The following ITGB2 variants were observed in gnomAD, a reference collection of about 807,000 sequenced individuals.
The protein encoded by ITGB2 is integrin subunit beta 2, also known as integrin beta-2.
Under a neutral mutation model 86.8 loss-of-function variants are expected in ITGB2, and 56 were observed. The ratio of observed to expected loss-of-function variants is 0.65; its 90% CI spans 0.52 to 0.81. The LOEUF (loss-of-function observed/expected upper bound fraction) is 0.81. Among genes scored for constraint, ITGB2 ranks in the 30% least tolerant of loss-of-function variants. The probability of loss-of-function intolerance (pLI) is 0.00; values close to 1 mark genes in which losing one functional copy is unlikely to be tolerated. For missense variants in ITGB2, 948 were observed against 1,061.2 expected (o/e 0.89, Z 1.48); for synonymous variants, 457 against 450.4 (o/e 1.01, Z -0.19).
intron 3 of ITGB2, among the ~76,000 whole-genome samples, chr21:44,907,717 T>C (rs1456346534): frequency 6.6e-6 from 1 of 152,182 alleles, no homozygotes; most frequent in Non-Finnish European, 1.5e-5. Flanking sequence ...GTGCTGGTGA[T>C]GCGGGGCCAG....
At chr21:44,904,001 T>C (rs1037929260) in intron 4 of ITGB2, among the ~76,000 whole-genome samples, 5 of 152,172 alleles carry the variant, frequency 3.3e-5, no homozygotes, top group Non-Finnish European at 7.4e-5. Flanking sequence ...ATCCCAGCCC[T>C]GGACTTCCGC....
intron 1 of ITGB2, among the ~76,000 whole-genome samples, chr21:44,916,427 G>C (rs1436957360): frequency 6.6e-6 from 1 of 152,202 alleles, no homozygotes; most frequent in Non-Finnish European, 1.5e-5. Context: ...GTCTGTTCCT[G>C]GGTGGCGACG....
intron 10 of ITGB2, among the ~76,000 whole-genome samples, chr21:44,892,205 C>A (rs960579742): frequency 4.6e-5 from 7 of 152,208 alleles, no homozygotes; most frequent in African/African-American, 1.4e-4. Flanking sequence ...CCGCACTGGC[C>A]GGCACCAGGA....
chr21:44,891,686 C>A (rs2083787151), intron 11 of ITGB2, 123 bp downstream of exon 11: 10 of 1,144,730 alleles, frequency 8.7e-6, no homozygotes, highest in Non-Finnish European at 1.2e-5. Flanking sequence ...AGGGGGCCCC[C>A]AGGATGCCTG....
At chr21:44,928,614 G>C (rs532107395) in intron 1 of ITGB2, 1 of 151,480 alleles carries the variant, frequency 6.6e-6, no homozygotes, top group Non-Finnish European at 1.5e-5. Context: ...CGAGGGTCGG[G>C]TCGGGTCGGG....
At chr21:44,913,083 C>T (rs2084156205) in intron 1 of ITGB2, among the ~76,000 whole-genome samples, 1 of 76,524 alleles carries the variant, frequency 1.3e-5, no homozygotes, top group South Asian at 6.1e-4. Context: ...AGGGTCCAGC[C>T]GGCTTCAGGA....
chr21:44,897,499 G>C (rs557635923), intron 8 of ITGB2, among the ~76,000 whole-genome samples: 1 of 152,158 alleles, frequency 6.6e-6, no homozygotes, highest in Non-Finnish European at 1.5e-5. Flanking sequence ...GAGGATAATC[G>C]GGCCCTTTAG....
chr21:44,886,345 G>T lies in ITGB2; in HGVS notation c.*23C>A. The T allele has an allele frequency of 6.2e-7, 1 of 1,610,006 alleles. No individual in the cohort carries two copies. The highest frequency in any genetic ancestry group is 8.5e-7 in the Non-Finnish European group (1 of 1,176,280). ...TGGGGCAGACATGGTGGGTCCTGACGGCCTTGTCTTCACCAAGTGCTCCTA... is the reference window on the plus strand; with the variant it reads ...TGGGGCAGACATGGTGGGTCCTGACTGCCTTGTCTTCACCAAGTGCTCCTA... On this transcript the variant is annotated 3_prime_UTR_variant, in exon 16 of 16. Coordinates refer to ENST00000652462, the MANE Select transcript of ITGB2 (RefSeq NM_000211.5).
At chr21:44,920,176 C>G (rs953005031) in intron 1 of ITGB2, among the ~76,000 whole-genome samples, 2 of 152,144 alleles carry the variant, frequency 1.3e-5, no homozygotes, top group African/African-American at 4.8e-5. Context: ...TACACATGTG[C>G]ACCATACATG....
rs1324411083 is a variant in ITGB2 at position 44,890,130 on chromosome 21, T to G, written c.1505A>C (p.Asn502Thr). 6.2e-7 allele frequency: 1 copy of G among 1,612,776 alleles called. No individual in the cohort carries two copies. Among genetic ancestry groups the G allele is most frequent in the African/African-American group, 1.3e-5 (1 of 74,700 alleles). The change falls in exon 12 of 16, where the codon AAC (asparagine) becomes ACC (threonine). Residue 502 changes from asparagine to threonine, a missense_variant. Coordinates refer to ENST00000652462, the MANE Select transcript of ITGB2 (RefSeq NM_000211.5). ...CCCCAGCCCTGAGCAGATGATGGAGTTGTTGTCCTTCCGGCAGCTTCCTTC... is the reference window on the plus strand; with the variant it reads ...CCCCAGCCCTGAGCAGATGATGGAGGTGTTGTCCTTCCGGCAGCTTCCTTC... Reference protein sequence around the residue: ...ELEGSCRKDNNSIICSGLGDC... With the variant: ...ELEGSCRKDNTSIICSGLGDC...
At chr21:44,911,243 C>G (rs1451956148) in intron 1 of ITGB2, 1 of 267,390 alleles carries the variant, frequency 3.7e-6, no homozygotes, top group Non-Finnish European at 7.5e-6. Flanking sequence ...CCCCGCAAGA[C>G]ACTACACACC....
rs915995681 is a variant in ITGB2, at chr21:44,903,517, T to C, written c.347A>G (p.Asn116Ser). 2 of 1,613,912 alleles carry C rather than the reference T, an allele frequency of 1.2e-6. No individual in the cohort carries two copies. The highest frequency in any genetic ancestry group is 1.7e-6 in the Non-Finnish European group (2 of 1,179,960). ...YLRPGQAAAFNVTFRRAKGYP... is the reference protein window; with the variant it reads ...YLRPGQAAAFSVTFRRAKGYP... Reference sequence around the variant, plus strand: ...GCCCTTGGCCCGCCGGAAGGTCACGTTGAACGCTGCTGCCTGGCCTGCCGG... The same window carrying C: ...GCCCTTGGCCCGCCGGAAGGTCACGCTGAACGCTGCTGCCTGGCCTGCCGG... Residue 116 changes from asparagine to serine, a missense_variant, in exon 5 of 16, where the codon AAC becomes AGC. Coordinates refer to ENST00000652462, the MANE Select transcript of ITGB2 (RefSeq NM_000211.5).
chr21:44,889,516 G>A (rs760407456), intron 12 of ITGB2, 21 bp from the exon 13 acceptor site: 1 of 1,546,738 alleles, frequency 6.5e-7, no homozygotes, highest in Non-Finnish European at 8.7e-7. Flanking sequence ...GGGCAGCACG[G>A]CTAAGCTCCT....
In ITGB2 at chr21:44,893,282, C is replaced by A. The variant is rs1388457291; in HGVS notation, c.1224+122G>T. The A allele has an allele frequency of 1.1e-5, 13 of 1,236,508 alleles. No homozygotes were observed. In the East Asian group the frequency reaches 2.8e-4, roughly 27 times the overall value. 76.6% of individuals were successfully genotyped at this position (1,236,508 alleles called of 1,614,324 possible). On this transcript the variant is annotated intron_variant, in intron 10 of 15. Coordinates refer to ENST00000652462, the MANE Select transcript of ITGB2 (RefSeq NM_000211.5). The stretch of plus-strand genomic sequence containing the variant: ...CCCGTCAGAGTGCTGGGATGGGGAC[C>A]CTGGCTCCTTCTGGCTGTCCCCAGG...
chr21:44,921,975 C>G (rs1017888606), upstream of ITGB2, among the ~76,000 whole-genome samples: 1 of 152,268 alleles, frequency 6.6e-6, no homozygotes, highest in Non-Finnish European at 1.5e-5. Context: ...CCATCCACCT[C>G]TGCCTTCCAA....
intron 11 of ITGB2, 51 bp downstream of exon 11, chr21:44,891,758 C>T (rs778403483): frequency 6.3e-7 from 1 of 1,588,586 alleles, no homozygotes; most frequent in Non-Finnish European, 8.5e-7. Flanking sequence ...GACACCTGCC[C>T]TGTGGGGTGG....
intron 5 of ITGB2, among the ~76,000 whole-genome samples, chr21:44,901,989 C>T (rs2083967121): frequency 1.3e-5 from 2 of 152,174 alleles, no homozygotes; most frequent in Non-Finnish European, 2.9e-5. Context: ...TGTGTTCCTG[C>T]ATGTATGTGT....
At chr21:44,898,497 G>A (rs1469582691) in intron 8 of ITGB2, among the ~76,000 whole-genome samples, 1 of 152,226 alleles carries the variant, frequency 6.6e-6, no homozygotes, top group Non-Finnish European at 1.5e-5. Context: ...TCCTGAGAAA[G>A]GTCTTGGGAA....
chr21:44,918,063 C>T (rs987937903), intron 1 of ITGB2, among the ~76,000 whole-genome samples: 2 of 152,230 alleles, frequency 1.3e-5, no homozygotes, highest in African/African-American at 4.8e-5. Context: ...TTGCTGGCAC[C>T]AGGTCCGGCT....
Sources: allele counts gnomAD v4.1 joint callset (sites outside exome capture counted in the v4.1 genomes callset), GRCh38; gene constraint gnomAD v4.1.1; transcripts MANE v1.5; gene names NCBI Gene and HGNC (gene_info 2026-07-23, HGNC 2026-07-21).